CEP350: variants seen among roughly 807,000 people sequenced by gnomAD.
CEP350 encodes the protein centrosome-associated protein 350.
A neutral mutation model predicts 331.8 loss-of-function variants in CEP350; 126 were observed. The observed-to-expected ratio is 0.38, with a 90% confidence interval of 0.33 to 0.44. CEP350 has a LOEUF of 0.44. CEP350 is among the 20% of genes least tolerant of loss of function. CEP350 has a pLI of 1.00. For synonymous variants in CEP350, 1,200 were observed against 1,259.5 expected, an observed-to-expected ratio of 0.95 and a Z score of 1.00; for missense variants, 3,406 against 3,634.6, an observed-to-expected ratio of 0.94 and a Z score of 1.62.
intron 8 of CEP350, among the ~76,000 whole-genome samples, chr1:180,007,572 A>G (rs1654341913): frequency 6.6e-6 from 1 of 152,070 alleles, no homozygotes; most frequent in African/African-American, 2.4e-5. Flanking sequence ...CACTTTGGTG[A>G]TAGTTTCTTT....
chr1:180,010,971 C>A (rs1654614219), intron 8 of CEP350, among the ~76,000 whole-genome samples: 1 of 151,726 alleles, frequency 6.6e-6, no homozygotes, highest in Non-Finnish European at 1.5e-5. Flanking sequence ...TTTGTAGTTT[C>A]TATTTTGTAA....
In CEP350 at chr1:180,112,974, C is replaced by T. The variant is rs1270340373; in HGVS notation, c.*1813C>T. The T allele has an allele frequency of 6.6e-6, 1 of 152,572 alleles. No individual in the cohort carries two copies. The highest frequency in any genetic ancestry group is 2.4e-5 in the African/African-American group (1 of 41,434). The allele number at this position is 152,572 out of a possible 1,614,324, so 9.5% of individuals were successfully genotyped here. A position where few individuals can be genotyped will look rare whatever the true frequency, so the allele number is the denominator to read the frequency against. ...TGTTGTGATTGGGTCTCGGGAAATG[C>T]TCAGATTGATGTCTTACCAGCATTT... On this transcript the variant is annotated 3_prime_UTR_variant, in exon 38 of 38. Transcript: ENST00000367607.
intron 25 of CEP350, among the ~76,000 whole-genome samples, chr1:180,058,142 A>G (rs1033178031): frequency 6.6e-6 from 1 of 152,236 alleles, no homozygotes; most frequent in African/African-American, 2.4e-5. Context: ...AAGCTTTCAC[A>G]TATGTTCAAG....
intron 30 of CEP350, among the ~76,000 whole-genome samples, chr1:180,081,709 A>G (rs761668709): frequency 9.9e-5 from 15 of 152,226 alleles, no homozygotes; most frequent in African/African-American, 1.9e-4. Context: ...ACTGAATGCT[A>G]TATGCAGTTG....
At chr1:180,107,654 C>T (rs1374902210) in intron 37 of CEP350, among the ~76,000 whole-genome samples, 3 of 152,064 alleles carry the variant, frequency 2.0e-5, no homozygotes, top group Admixed American at 6.6e-5. Flanking sequence ...GGTGACAGAG[C>T]GAGACTCCCG....
Position 179,996,640 on chromosome 1 carries a change from T to C in CEP350, c.483T>C (p.Thr161=), listed in dbSNP as rs772041260. The change falls in exon 6 of 38, where the codon ACT becomes ACC. Residue 161 remains threonine, a synonymous_variant. Coordinates refer to ENST00000367607, the MANE Select transcript of CEP350 (RefSeq NM_014810.5). The part of the protein sequence containing the change: ...VYCVDVNEEK[T]ESGNWMIGSR... Reference sequence around the variant, plus strand: ...GTGTAGATGTTAATGAAGAAAAGACTGAGAGCGGTAACTGGATGATAGGCA... The same window carrying C: ...GTGTAGATGTTAATGAAGAAAAGACCGAGAGCGGTAACTGGATGATAGGCA... 2 of 1,612,308 alleles carry C rather than the reference T, an allele frequency of 1.2e-6. No individual in the cohort carries two copies. Among genetic ancestry groups the C allele is most frequent in the South Asian group, 1.1e-5 (1 of 90,716 alleles).
At chr1:179,959,545 A>G (rs1650430421) in intron 1 of CEP350, among the ~76,000 whole-genome samples, 1 of 152,166 alleles carries the variant, frequency 6.6e-6, no homozygotes, top group African/African-American at 2.4e-5. Flanking sequence ...ACCTGAGATT[A>G]GGAGCTTCAG....
chr1:180,097,235 T>A (rs556540551), intron 36 of CEP350, among the ~76,000 whole-genome samples: 24 of 152,372 alleles, frequency 1.6e-4, no homozygotes, highest in African/African-American at 5.5e-4. Context: ...GTTGTTTACA[T>A]GTTACAACTA....
chr1:180,070,676 C>T (rs1401961988), intron 27 of CEP350, among the ~76,000 whole-genome samples: 6 of 152,128 alleles, frequency 3.9e-5, no homozygotes, highest in African/African-American at 7.2e-5. Context: ...GTTAAGTTAG[C>T]GTATCTGCTT....
intron 36 of CEP350, among the ~76,000 whole-genome samples, chr1:180,098,533 G>A (rs565136369): frequency 4.0e-4 from 60 of 150,964 alleles, no homozygotes; most frequent in African/African-American, 1.4e-3. Flanking sequence ...GTAGAGATGA[G>A]GTCTCTCACT....
In CEP350 at chr1:179,954,885, C is replaced by G. The variant is rs1650048652; in HGVS notation, c.-271C>G. ...GGGCCGGGGAGCGGGGCCAGACCTG[C>G]GCCAGAGAGAACTGCAGGGAGCCGC... On this transcript the variant is annotated 5_prime_UTR_variant, in exon 1 of 38. Coordinates refer to ENST00000367607, the MANE Select transcript of CEP350 (RefSeq NM_014810.5). 1 of 512,122 alleles carries G rather than the reference C, an allele frequency of 2.0e-6. No homozygotes were observed. The highest frequency in any genetic ancestry group is 2.0e-5 in the African/African-American group (1 of 50,178). 31.7% of individuals were successfully genotyped at this position (512,122 alleles called of 1,614,324 possible).
chr1:179,994,456 C>CTTTTTTTTTT (rs532002663), intron 5 of CEP350, among the ~76,000 whole-genome samples: 1 of 136,004 alleles, frequency 7.4e-6, no homozygotes, highest in African/African-American at 2.7e-5. Flanking sequence ...TTCTTTCTTT[C>CTTTTTTTTTT]TTTTTTTTTT....
Position 180,093,094 on chromosome 1 carries a change from AAG to A in CEP350, c.6995_6996del (p.Arg2332ThrfsTer9). On this transcript the variant is annotated frameshift_variant, in exon 34 of 38. Transcript: ENST00000367607. LOFTEE classifies it high-confidence loss of function. The stretch of plus-strand genomic sequence containing the variant: ...CTCCATAAAAGTGAGGAAATGTTGA[AAG>A]AGAGACAGTCAGATCAAGATATGAA... The A allele has an allele frequency of 6.2e-7, 1 of 1,604,236 alleles. No homozygotes were observed. Among genetic ancestry groups the A allele is most frequent in the Non-Finnish European group, 8.5e-7 (1 of 1,174,642 alleles).
chr1:180,083,482 G>A (rs1659686772), intron 30 of CEP350, among the ~76,000 whole-genome samples: 1 of 152,170 alleles, frequency 6.6e-6, no homozygotes, highest in Non-Finnish European at 1.5e-5. Context: ...TTACAGCAGA[G>A]TCTATTTCTT....
In CEP350 at chr1:180,037,051, G is replaced by C. The variant is rs1323725282; in HGVS notation, c.4072G>C (p.Ala1358Pro). Reference protein sequence around the residue: ...DVERVRGISLAQQESVSLAQI... With the variant: ...DVERVRGISLPQQESVSLAQI... ...AGAAAGAGTTAGAGGCATTTCACTT[G>C]CTCAGCAGGAGAGTGTGTCTCTAGC... Residue 1358 changes from alanine to proline, a missense_variant, in exon 17 of 38, where the codon GCT becomes CCT. Coordinates refer to ENST00000367607, the MANE Select transcript of CEP350 (RefSeq NM_014810.5). 3 of 1,605,456 alleles carry C rather than the reference G, an allele frequency of 1.9e-6. No homozygotes were observed. The highest frequency in any genetic ancestry group is 2.6e-6 in the Non-Finnish European group (3 of 1,175,836).
intron 14 of CEP350, among the ~76,000 whole-genome samples, chr1:180,027,821 G>GT (rs1486895157): frequency 3.3e-5 from 5 of 151,904 alleles, no homozygotes; most frequent in African/African-American, 1.2e-4. Flanking sequence ...GCATTAGTCT[G>GT]TTTTTTTCCT....
rs1659946831 is a variant in CEP350 at position 180,087,703 on chromosome 1, C to T, written c.6411C>T (p.Leu2137=). The T allele has an allele frequency of 6.5e-7, 1 of 1,541,420 alleles. No individual in the cohort carries two copies. Among genetic ancestry groups the T allele is most frequent in the African/African-American group, 1.4e-5 (1 of 72,022 alleles). The change falls in exon 32 of 38, where the codon CTC becomes CTT. Residue 2137 remains leucine (L), a synonymous_variant. Coordinates refer to ENST00000367607, the MANE Select transcript of CEP350 (RefSeq NM_014810.5). ...SASEKPKIKP[L]TPLHRSETAK... is the part of the protein sequence containing the mutation. ...CTGAAAAACCCAAGATCAAACCCCT[C>T]ACACCACTACACAGGTAGAAATTTT... is the stretch of plus-strand genomic sequence containing the variant.
rs887753761 is a variant in CEP350 at position 180,014,042 on chromosome 1, G to A, written c.1589G>A (p.Gly530Asp). 6.2e-7 allele frequency: 1 copy of A among 1,612,662 alleles called. No individual in the cohort carries two copies. Among genetic ancestry groups the A allele is most frequent in the Non-Finnish European group, 8.5e-7 (1 of 1,179,246 alleles). ...NKDFLPIEIRGILDDLQLDST... is the reference protein window; with the variant it reads ...NKDFLPIEIRDILDDLQLDST... ...GACTTTTTACCTATTGAAATTCGTGGCATTCTTGATGACCTACAGCTGGAT... is the reference window on the plus strand; with the variant it reads ...GACTTTTTACCTATTGAAATTCGTGACATTCTTGATGACCTACAGCTGGAT... Residue 530 changes from glycine (G) to aspartate (D), a missense_variant, in exon 10 of 38, where the codon GGC becomes GAC. By Grantham distance (94) the Gly-to-Asp change is moderately conservative (BLOSUM62 -1). Transcript: ENST00000367607.
intron 32 of CEP350, 53 bp downstream of exon 32, chr1:180,087,770 A>T: frequency 1.4e-6 from 2 of 1,387,158 alleles, no homozygotes; most frequent in Non-Finnish European, 1.9e-6. Flanking sequence ...AAAAGGAATA[A>T]GGGAATATTT....
Sources: allele counts gnomAD v4.1 joint callset (sites outside exome capture counted in the v4.1 genomes callset), GRCh38; gene constraint gnomAD v4.1.1; transcripts MANE v1.5; gene names NCBI Gene and HGNC (gene_info 2026-07-23, HGNC 2026-07-21).